Variants in KDM4B observed in about 807,000 individuals in gnomAD.
KDM4B encodes the protein lysine demethylase 4B, also known as lysine-specific demethylase 4B.
A neutral mutation model predicts 125.2 loss-of-function variants in KDM4B; 32 were observed. The observed-to-expected ratio is 0.26, with a 90% CI of 0.19 to 0.34. The LOEUF is 0.34. KDM4B is among the 10% of genes least tolerant of loss of function. The probability of loss-of-function intolerance (pLI) is 1.00; values close to 1 mark genes in which losing one functional copy is unlikely to be tolerated. For synonymous variants in KDM4B, 721 were observed against 677.9 expected (o/e 1.06, Z -0.99); for missense variants, 1,190 against 1,577.7 (o/e 0.75, Z 4.16).
intron 6 of KDM4B, among the ~76,000 whole-genome samples, chr19:5,051,117 C>T (rs1032896334): frequency 3.9e-5 from 6 of 152,126 alleles, no homozygotes; most frequent in African/African-American, 1.2e-4. Context: ...AGCGCAGTGT[C>T]GCCAGCAGCA....
At chr19:5,023,713 G>A (rs571897382) in intron 2 of KDM4B, among the ~76,000 whole-genome samples, 2 of 151,760 alleles carry the variant, frequency 1.3e-5, no homozygotes, top group Non-Finnish European at 2.9e-5. Flanking sequence ...CCTACCCACA[G>A]AGGAGGGCCT....
chr19:5,048,939 A>C (rs1367633098), intron 6 of KDM4B, among the ~76,000 whole-genome samples: 1 of 152,182 alleles, frequency 6.6e-6, no homozygotes, highest in African/African-American at 2.4e-5. Flanking sequence ...GGGACCAGCC[A>C]GTGAGTCAGA....
intron 1 of KDM4B, among the ~76,000 whole-genome samples, chr19:4,988,107 A>G (rs2145361404): frequency 6.6e-6 from 1 of 152,240 alleles, no homozygotes; most frequent in South Asian, 2.1e-4. Flanking sequence ...CAGGGGCAGG[A>G]GCTGGGGCCC....
chr19:5,010,124 G>T (rs2035682529), intron 1 of KDM4B, among the ~76,000 whole-genome samples: 1 of 152,182 alleles, frequency 6.6e-6, no homozygotes, highest in East Asian at 1.9e-4. Flanking sequence ...TCACCATTTA[G>T]TCTCATAGGC....
chr19:5,057,036 G>A (rs2037425327), intron 6 of KDM4B, among the ~76,000 whole-genome samples: 1 of 88,154 alleles, frequency 1.1e-5, no homozygotes, highest in African/African-American at 4.2e-5. Context: ...ATGCGTGTGT[G>A]TGTGTGTGTG....
chr19:5,024,269 G>A (rs1043936593), intron 2 of KDM4B, among the ~76,000 whole-genome samples: 4 of 152,058 alleles, frequency 2.6e-5, no homozygotes, highest in African/African-American at 7.2e-5. Flanking sequence ...ACAGGATGCC[G>A]GCCCAGCCCC....
At chr19:5,086,192 G>A (rs2038488479) in intron 9 of KDM4B, among the ~76,000 whole-genome samples, 1 of 148,758 alleles carries the variant, frequency 6.7e-6, no homozygotes, top group South Asian at 2.1e-4. Flanking sequence ...AGGGACCCCT[G>A]CCCCCCCCCA....
chr19:5,013,333 G>C (rs1416612729), intron 1 of KDM4B, among the ~76,000 whole-genome samples: 1 of 152,190 alleles, frequency 6.6e-6, no homozygotes, highest in Non-Finnish European at 1.5e-5. Flanking sequence ...GCAGGTCACA[G>C]GGGAGAGGCC....
chr19:5,135,960 A>AC (rs1364434784), intron 15 of KDM4B, among the ~76,000 whole-genome samples: 1 of 152,180 alleles, frequency 6.6e-6, no homozygotes, highest in Non-Finnish European at 1.5e-5. Flanking sequence ...TGTCCCTGAC[A>AC]CCCAGAAGCT....
At chr19:5,048,319 T>TGTGAGTGCGCAC (rs1216896556) in intron 6 of KDM4B, among the ~76,000 whole-genome samples, 25 of 152,274 alleles carry the variant, frequency 1.6e-4, no homozygotes, top group Middle Eastern at 3.4e-3. Context: ...TGCGCGCGCA[T>TGTGAGTGCGCAC]GTGAGTGCGC....
intron 4 of KDM4B, 66 bp from the exon 5 acceptor site, chr19:5,041,069 TGG>T: frequency 9.8e-7 from 1 of 1,017,000 alleles, no homozygotes; most frequent in Non-Finnish European, 1.5e-6. Context: ...GGGTTCCAGG[TGG>T]CTGAGGGTGG....
intron 10 of KDM4B, chr19:5,111,507 C>T (rs779787544): frequency 5.2e-5 from 40 of 765,020 alleles, no homozygotes; most frequent in East Asian, 3.2e-4. Flanking sequence ...AGGCAGGTCC[C>T]GGCCTAGGAG....
Position 5,138,086 on chromosome 19 carries a change from C to A in KDM4B, c.2550+16C>A, listed in dbSNP as rs768889952. The stretch of plus-strand genomic sequence containing the variant: ...GTGGAAGCTGGTAGGTCCTTGCGGT[C>A]GAGGCCCACCCTGCCCGTGCCTCTA... On this transcript the variant is annotated intron_variant, in intron 18 of 22. Coordinates refer to ENST00000159111, the MANE Select transcript of KDM4B (RefSeq NM_015015.3). 12 of 1,594,834 alleles carry A rather than the reference C, an allele frequency of 7.5e-6. No individual in the cohort carries two copies. The South Asian group carries it at 7.8e-5, about 10-fold the overall frequency.
intron 1 of KDM4B, among the ~76,000 whole-genome samples, chr19:4,974,493 C>T (rs1300280561): frequency 6.6e-6 from 1 of 152,008 alleles, no homozygotes; most frequent in East Asian, 1.9e-4. Flanking sequence ...AATCCCAGCA[C>T]TTTGAGAGGC....
At chr19:5,088,925 G>C (rs972653790) in intron 9 of KDM4B, among the ~76,000 whole-genome samples, 1 of 152,168 alleles carries the variant, frequency 6.6e-6, no homozygotes, top group Non-Finnish European at 1.5e-5. Context: ...TGAACCCTGA[G>C]GACACCCCGC....
chr19:5,010,270 T>C (rs1323224456), intron 1 of KDM4B, among the ~76,000 whole-genome samples: 2 of 152,238 alleles, frequency 1.3e-5, no homozygotes, highest in Non-Finnish European at 2.9e-5. Flanking sequence ...GCCTGGGCTC[T>C]GGACTTTTTA....
chr19:5,034,400 A>G (rs1422097693), intron 3 of KDM4B, among the ~76,000 whole-genome samples: 1 of 152,238 alleles, frequency 6.6e-6, no homozygotes, highest in Non-Finnish European at 1.5e-5. Flanking sequence ...TGAGCCAGAA[A>G]GAGCAACCAG....
At chr19:5,104,206 A>G (rs913887910) in intron 9 of KDM4B, among the ~76,000 whole-genome samples, 6 of 152,052 alleles carry the variant, frequency 3.9e-5, no homozygotes, top group African/African-American at 1.4e-4. Flanking sequence ...CAGGACGAGC[A>G]GGCGTGCCAG....
chr19:5,133,248 C>G (rs768072080), intron 13 of KDM4B, among the ~76,000 whole-genome samples: 22 of 152,306 alleles, frequency 1.4e-4, no homozygotes, highest in Non-Finnish European at 2.2e-4. Flanking sequence ...ACCGCCGCGG[C>G]TTCTCAGCAG....
Sources: allele counts gnomAD v4.1 joint callset (sites outside exome capture counted in the v4.1 genomes callset), GRCh38; gene constraint gnomAD v4.1.1; transcripts MANE v1.5; gene names NCBI Gene and HGNC (gene_info 2026-07-23, HGNC 2026-07-21).